SIPA1L2: variants seen among roughly 807,000 people sequenced by gnomAD.
SIPA1L2 encodes the protein signal-induced proliferation-associated 1-like protein 2.
Under a neutral mutation model 163.9 loss-of-function variants are expected in SIPA1L2, and 56 were observed. The ratio of observed to expected loss-of-function variants is 0.34; its 90% CI spans 0.28 to 0.43. The LOEUF is 0.43. SIPA1L2 is among the 20% of genes least tolerant of loss of function. The pLI, the probability that SIPA1L2 is intolerant of heterozygous loss-of-function variation, is 1.00. For missense variants in SIPA1L2, 1,974 were observed against 2,193.5 expected, an observed-to-expected ratio of 0.90 and a Z score of 2.00; for synonymous variants, 877 against 865.7, an observed-to-expected ratio of 1.01 and a Z score of -0.23.
At chr1:232,424,531 C>T (rs1424860592) in intron 18 of SIPA1L2, among the ~76,000 whole-genome samples, 1 of 151,926 alleles carries the variant, frequency 6.6e-6, no homozygotes, top group Non-Finnish European at 1.5e-5. Context: ...TTACCTTTTA[C>T]AAAAAAGAGA....
At chr1:232,556,409 T>C (rs949890517) in intron 2 of SIPA1L2, among the ~76,000 whole-genome samples, 1 of 152,226 alleles carries the variant, frequency 6.6e-6, no homozygotes, top group Non-Finnish European at 1.5e-5. Flanking sequence ...TTCTCTCCCT[T>C]TAGCGATAAG....
At chr1:232,501,050 A>ATTTTATTTTTTTTT (rs1666446894) in intron 3 of SIPA1L2, among the ~76,000 whole-genome samples, 1 of 78,450 alleles carries the variant, frequency 1.3e-5, no homozygotes, top group African/African-American at 4.8e-5. Context: ...GCAATGAAGT[A>ATTTTATTTTTTTTT]TTTTTTTTTT....
intron 2 of SIPA1L2, among the ~76,000 whole-genome samples, chr1:232,572,204 A>T (rs1301574271): frequency 6.6e-6 from 1 of 152,196 alleles, no homozygotes; most frequent in Non-Finnish European, 1.5e-5. Flanking sequence ...TCCGGGCAGC[A>T]TGAGGTGTCC....
intron 10 of SIPA1L2, among the ~76,000 whole-genome samples, chr1:232,460,157 G>A (rs749578231): frequency 1.3e-5 from 2 of 152,096 alleles, no homozygotes; most frequent in Admixed American, 6.5e-5. Flanking sequence ...CTCAATAAAC[G>A]GCTCCTTCTT....
At chr1:232,520,268 C>T (rs1573019349) in intron 2 of SIPA1L2, among the ~76,000 whole-genome samples, 1 of 152,180 alleles carries the variant, frequency 6.6e-6, no homozygotes, top group African/African-American at 2.4e-5. Context: ...ATAATTATCA[C>T]CAACATTCTG....
chr1:232,558,018 C>A (rs6700794), intron 2 of SIPA1L2, among the ~76,000 whole-genome samples: 3,043 of 152,250 alleles, frequency 0.02, 103 homozygotes, highest in African/African-American at 0.068. Context: ...AAAACAAAAG[C>A]CTTGCTGGAA....
chr1:232,580,596 G>A (rs1259855678), intron 1 of SIPA1L2, among the ~76,000 whole-genome samples: 1 of 152,182 alleles, frequency 6.6e-6, no homozygotes, highest in Non-Finnish European at 1.5e-5. Context: ...AGGAGTCCTG[G>A]CTAGCAAAGG....
chr1:232,597,523 CA>C (rs66718972), intron 1 of SIPA1L2, among the ~76,000 whole-genome samples: 10,546 of 126,642 alleles, frequency 0.083, 388 homozygotes, highest in South Asian at 0.11. Flanking sequence ...TAAAAAATAC[CA>C]AAAAAAAAAA....
intron 1 of SIPA1L2, among the ~76,000 whole-genome samples, chr1:232,607,407 A>T (rs1215360058): frequency 6.6e-6 from 1 of 152,112 alleles, no homozygotes; most frequent in African/African-American, 2.4e-5. Context: ...TTACTATCAA[A>T]TTTTTTCCAA....
chr1:232,551,905 T>A (rs909483119), intron 2 of SIPA1L2, among the ~76,000 whole-genome samples: 24 of 152,202 alleles, frequency 1.6e-4, no homozygotes, highest in Non-Finnish European at 3.1e-4. Flanking sequence ...AATGGTGCGA[T>A]CTCGGCTCAC....
chr1:232,561,667 C>G (rs1231997319), intron 2 of SIPA1L2: 1 of 152,200 alleles, frequency 6.6e-6, no homozygotes, highest in Admixed American at 6.5e-5. Flanking sequence ...AAAACAAAAG[C>G]AGAGTACATG....
At chr1:232,504,155 T>C (rs1009505801) in intron 3 of SIPA1L2, among the ~76,000 whole-genome samples, 7 of 152,000 alleles carry the variant, frequency 4.6e-5, no homozygotes, top group East Asian at 1.9e-4. Context: ...TGAGCCAAGA[T>C]TGTGCCACTG....
intron 2 of SIPA1L2, among the ~76,000 whole-genome samples, chr1:232,543,872 A>G (rs1207600702): frequency 6.6e-6 from 1 of 152,192 alleles, no homozygotes; most frequent in African/African-American, 2.4e-5. Flanking sequence ...TATCTCAAAA[A>G]CAAAACATAT....
At chr1:232,423,075 G>C (rs1661669406) in intron 18 of SIPA1L2, among the ~76,000 whole-genome samples, 2 of 152,174 alleles carry the variant, frequency 1.3e-5, no homozygotes, top group South Asian at 4.1e-4. Context: ...AACTGGCAGT[G>C]AGTCACAGCT....
rs58968845 is a variant in SIPA1L2, at chr1:232,563,126, T to C, written c.-270+11048A>G. Among the ~76,000 whole-genome samples, 831 of 152,348 alleles carry C rather than the reference T, an allele frequency of 5.5e-3. 8 individuals carry two copies. Among genetic ancestry groups the C allele is most frequent in the East Asian group, 0.05 (260 of 5,178 alleles). On this transcript the variant is annotated intron_variant, in intron 2 of 22. Coordinates refer to ENST00000674635, the MANE Select transcript of SIPA1L2 (RefSeq NM_020808.5). Reference sequence around the variant, plus strand: ...ACTACAGCAGCCTCAGAAGGTTCAATAGCCTCTTTATAAACCTATTGTGTG... The same window carrying C: ...ACTACAGCAGCCTCAGAAGGTTCAACAGCCTCTTTATAAACCTATTGTGTG...
At chr1:232,510,103 C>A (rs1666911936) in intron 3 of SIPA1L2, among the ~76,000 whole-genome samples, 1 of 152,066 alleles carries the variant, frequency 6.6e-6, no homozygotes, top group South Asian at 2.1e-4. Context: ...TGACGGTGGT[C>A]CCATAAAATC....
chr1:232,565,697 TGC>T (rs1459457329), intron 2 of SIPA1L2, among the ~76,000 whole-genome samples: 1 of 152,234 alleles, frequency 6.6e-6, no homozygotes, highest in Non-Finnish European at 1.5e-5. Flanking sequence ...CACCTTTTAC[TGC>T]ACATACAGAT....
chr1:232,592,004 C>A (rs1342355135), intron 1 of SIPA1L2, among the ~76,000 whole-genome samples: 1 of 152,122 alleles, frequency 6.6e-6, no homozygotes, highest in African/African-American at 2.4e-5. Context: ...TGGGACTGAG[C>A]CCTTATGTCC....
intron 2 of SIPA1L2, among the ~76,000 whole-genome samples, chr1:232,560,930 G>C (rs1462077628): frequency 6.6e-6 from 1 of 152,204 alleles, no homozygotes; most frequent in Non-Finnish European, 1.5e-5. Context: ...AGTATCCTGA[G>C]CTAGAACTTT....
Sources: allele counts gnomAD v4.1 joint callset (sites outside exome capture counted in the v4.1 genomes callset), GRCh38; gene constraint gnomAD v4.1.1; transcripts MANE v1.5; gene names NCBI Gene and HGNC (gene_info 2026-07-23, HGNC 2026-07-21).